Variants in CTCFL observed in about 807,000 individuals in gnomAD.
CTCFL encodes CCCTC-binding factor like.
A neutral mutation model predicts 67.4 loss-of-function variants in CTCFL; 36 were observed. The ratio of observed to expected loss-of-function variants is 0.53; its 90% CI spans 0.41 to 0.71. The LOEUF (loss-of-function observed/expected upper bound fraction) is 0.71, where lower values mean the gene tolerates loss of function less well. CTCFL is among the 30% of genes least tolerant of loss of function. The pLI, the probability that CTCFL is intolerant of heterozygous loss-of-function variation, is 0.00. For missense variants in CTCFL, 786 were observed against 835.2 expected (o/e 0.94, Z 0.73); for synonymous variants, 324 against 302.3 (o/e 1.07, Z -0.75).
chr20:57,498,188 C>A lies in CTCFL; in HGVS notation c.*362G>T. On this transcript the variant is annotated 3_prime_UTR_variant, in exon 11 of 11. Transcript: ENST00000243914. ...AAATATCCAAAAATCACTACTCACT[C>A]ATTGTGGGCCACCTTGCCAATATCA... The A allele has an allele frequency of 1.0e-6, 1 of 998,442 alleles. No homozygotes were observed. The highest frequency in any genetic ancestry group is 1.2e-6 in the Non-Finnish European group (1 of 838,414). The allele number at this position is 998,442 out of a possible 1,614,324, so 61.8% of individuals were successfully genotyped here.
intron 3 of CTCFL, among the ~76,000 whole-genome samples, chr20:57,521,563 C>A (rs1487723985): frequency 6.6e-6 from 1 of 152,180 alleles, no homozygotes; most frequent in Non-Finnish European, 1.5e-5. Flanking sequence ...AATTCCACTC[C>A]TAAGTATATA....
At chr20:57,507,342 C>T in intron 9 of CTCFL, 1 of 517,402 alleles carries the variant, frequency 1.9e-6, no homozygotes, top group South Asian at 2.1e-5. Context: ...CAAGCGTGCA[C>T]TACCACGCCT....
intron 10 of CTCFL, among the ~76,000 whole-genome samples, chr20:57,502,453 T>C (rs1409941120): frequency 6.6e-6 from 1 of 152,208 alleles, no homozygotes; most frequent in Admixed American, 6.5e-5. Flanking sequence ...ATCCTCTATC[T>C]GATCTGGTAA....
At chr20:57,513,460 T>C (rs1057469781) in intron 7 of CTCFL, 20 of 992,000 alleles carry the variant, frequency 2.0e-5, no homozygotes, top group Non-Finnish European at 2.4e-5. Flanking sequence ...TGATTTCTCA[T>C]ACAGTCATGG....
In CTCFL at chr20:57,515,703, A is replaced by G. The variant is rs1600667626; in HGVS notation, c.1180+11T>C. ...CTGTAGGTATCAGGCCTTCAGCACC[A>G]GAGCCCTTACCTGAGTGCGTTCTCA... On this transcript the variant is annotated intron_variant, in intron 6 of 10. Transcript: ENST00000243914. 2 of 1,614,190 alleles carry G rather than the reference A, an allele frequency of 1.2e-6. No individual in the cohort carries two copies. The highest frequency in any genetic ancestry group is 2.2e-5 in the East Asian group (1 of 44,886).
At position 57,515,736 on chromosome 20, in the gene CTCFL, T is replaced by G; in HGVS notation, c.1158A>C (p.Lys386Asn). The change falls in exon 6 of 11, where the codon AAA becomes AAC. Residue 386 changes from lysine to asparagine, a missense_variant. By Grantham distance (94) the Lys-to-Asn change is moderately conservative. Coordinates refer to ENST00000243914, the MANE Select transcript of CTCFL (RefSeq NM_001386993.1). The stretch of plus-strand genomic sequence containing the variant: ...TACCTGAGTGCGTTCTCATGTGGCG[T>G]TTCAGCTTGTAGGTATCTCTGCTGG... ...SYASRDTYKL[K>N]RHMRTHSGEK... 6.2e-7 allele frequency: 1 copy of G among 1,614,134 alleles called. No homozygotes were observed. Among genetic ancestry groups the G allele is most frequent in the South Asian group, 1.1e-5 (1 of 91,086 alleles).
At chr20:57,503,415 A>T in intron 10 of CTCFL, 21 bp downstream of exon 10, 3 of 1,613,658 alleles carry the variant, frequency 1.9e-6, no homozygotes, top group Non-Finnish European at 2.5e-6. Flanking sequence ...CGGTAAAAAC[A>T]AATCTGCGTA....
At chr20:57,513,607 C>A in intron 7 of CTCFL, 1 of 1,132,120 alleles carries the variant, frequency 8.8e-7, no homozygotes, top group East Asian at 7.3e-5. Context: ...GACTTGTGCC[C>A]CACCAAGCCC....
downstream of CTCFL, among the ~76,000 whole-genome samples, chr20:57,496,984 G>A (rs573896614): frequency 1.1e-4 from 16 of 151,102 alleles, no homozygotes; most frequent in South Asian, 3.4e-3. Context: ...GGGATTGGTG[G>A]GTCAGATACT....
At chr20:57,500,037 C>T in intron 10 of CTCFL, 1 of 986,354 alleles carries the variant, frequency 1.0e-6, no homozygotes, top group Non-Finnish European at 1.2e-6. Flanking sequence ...GTGACTGTCT[C>T]ATGTTCTAAC....
At chr20:57,515,634 G>T in intron 6 of CTCFL, 80 bp downstream of exon 6, 1 of 1,569,974 alleles carries the variant, frequency 6.4e-7, no homozygotes, top group Non-Finnish European at 8.7e-7. Context: ...CTTTAATTGT[G>T]CCAATAAAAA....
chr20:57,501,763 CAG>C (rs1273300234), intron 10 of CTCFL, among the ~76,000 whole-genome samples: 1 of 152,116 alleles, frequency 6.6e-6, no homozygotes, highest in Non-Finnish European at 1.5e-5. Flanking sequence ...TCTGCTGGTG[CAG>C]AGTCAGTGAG....
At chr20:57,500,280 C>T in intron 10 of CTCFL, 1 of 818,904 alleles carries the variant, frequency 1.2e-6, no homozygotes, top group Admixed American at 3.0e-5. Flanking sequence ...GGTAAAACCC[C>T]ATCTCTACTA....
At chr20:57,506,580 G>T (rs1393776219) in intron 9 of CTCFL, among the ~76,000 whole-genome samples, 2 of 152,224 alleles carry the variant, frequency 1.3e-5, no homozygotes, top group Non-Finnish European at 2.9e-5. Context: ...GGGATTACAG[G>T]TGTGAACCAC....
chr20:57,520,913 G>C (rs1318346995), intron 3 of CTCFL, among the ~76,000 whole-genome samples: 6 of 151,906 alleles, frequency 3.9e-5, no homozygotes, highest in Non-Finnish European at 8.8e-5. Flanking sequence ...TCATAAGCCA[G>C]TATGACTGGT....
At chr20:57,505,381 G>A (rs1280041936) in intron 9 of CTCFL, among the ~76,000 whole-genome samples, 2 of 151,460 alleles carry the variant, frequency 1.3e-5, no homozygotes, top group African/African-American at 2.4e-5. Context: ...TCAGCCTCCC[G>A]AGTAGCTGGG....
In CTCFL at chr20:57,497,247, C is replaced by A. The variant is rs1321657184; in HGVS notation, c.*1303G>T. The A allele has an allele frequency of 8.2e-6, 8 of 974,240 alleles. No homozygotes were observed. In the East Asian group the frequency reaches 8.0e-4, roughly 97 times the overall value. 60.3% of individuals were successfully genotyped at this position (974,240 alleles called of 1,614,324 possible). On this transcript the variant is annotated 3_prime_UTR_variant, in exon 11 of 11. Transcript: ENST00000243914. ...GTAAAAAAATTAAGAAACCATTGCA[C>A]AAATTCAGTCACAATGATGGCATAC... is the stretch of plus-strand genomic sequence containing the variant.
chr20:57,519,292 G>A lies in CTCFL; in HGVS notation c.840C>T (p.Thr280=). The change falls in exon 4 of 11, where the codon ACC becomes ACT. Residue 280 remains threonine (T), a synonymous_variant. Transcript: ENST00000243914. ...GGTGACACAGGTGAGGCTTCTCACT[G>A]GTGTGAGTTTTCATATGACGATTAA... The part of the protein sequence containing the change: ...SSFNRHMKTH[T]SEKPHLCHLC... The A allele has an allele frequency of 1.2e-6, 2 of 1,613,834 alleles. No homozygotes were observed. The highest frequency in any genetic ancestry group is 1.1e-5 in the South Asian group (1 of 91,078).
chr20:57,503,458 C>T lies in CTCFL; in HGVS notation c.1818G>A (p.Trp606Ter). 1 of 1,614,212 alleles carries T rather than the reference C, an allele frequency of 6.2e-7. No individual in the cohort carries two copies. The highest frequency in any genetic ancestry group is 8.5e-7 in the Non-Finnish European group (1 of 1,180,034). Residue 606 changes from tryptophan (W) to a stop codon, truncating the protein, a stop_gained, in exon 10 of 11, where the codon TGG (tryptophan) becomes TGA (stop). Coordinates refer to ENST00000243914, the MANE Select transcript of CTCFL (RefSeq NM_001386993.1). LOFTEE classifies it low-confidence loss of function (END_TRUNC). Reference sequence around the variant, plus strand: ...TACCGTCTCCGTTCGCGGCTTCCTTCCATCCCTTCGCAGCTTCCTTCTGAC... The same window carrying T: ...TACCGTCTCCGTTCGCGGCTTCCTTTCATCCCTTCGCAGCTTCCTTCTGAC... Reference protein sequence around the residue: ...TKGQKEAAKGWKEAANGDEAA... With the variant: ...TKGQKEAAKG
Sources: gnomAD v4.1 joint callset for allele counts (sites outside exome capture counted in the v4.1 genomes callset) on GRCh38, gnomAD v4.1.1 for gene constraint, MANE v1.5 for transcripts, NCBI Gene and HGNC (gene_info 2026-07-23, HGNC 2026-07-21) for gene names.